CAPN8: variants seen among roughly 807,000 people sequenced by gnomAD.
CAPN8 encodes the protein calpain 8, also known as calpain-8.
A neutral mutation model predicts 80.9 loss-of-function variants in CAPN8; 87 were observed. The ratio of observed to expected loss-of-function variants is 1.07; its 90% CI spans 0.90 to 1.28. The LOEUF (loss-of-function observed/expected upper bound fraction) is 1.28, where lower values mean the gene tolerates loss of function less well. Among genes scored for constraint, CAPN8 ranks in the 50% most tolerant of loss-of-function variants. CAPN8 has a pLI of 0.00. For synonymous variants in CAPN8, 299 were observed against 273.8 expected, an observed-to-expected ratio of 1.09 and a Z score of -0.91; for missense variants, 757 against 702.0, an observed-to-expected ratio of 1.08 and a Z score of -0.89.
chr1:223,544,028 G>T, intron 19 of CAPN8, 39 bp downstream of exon 19: 1 of 715,802 alleles, frequency 1.4e-6, no homozygotes, highest in South Asian at 1.5e-5. Flanking sequence ...CTTGCACCTT[G>T]GGATTAATAG....
At chr1:223,552,590 GCCC>G (rs1656822132) in intron 14 of CAPN8, among the ~76,000 whole-genome samples, 1 of 149,556 alleles carries the variant, frequency 6.7e-6, no homozygotes, top group Non-Finnish European at 1.5e-5. Context: ...AAGACTTGAG[GCCC>G]CTTTAAAAAG....
At chr1:223,547,394 T>G (rs1362650876) in intron 16 of CAPN8, among the ~76,000 whole-genome samples, 2 of 152,212 alleles carry the variant, frequency 1.3e-5, no homozygotes, top group Non-Finnish European at 2.9e-5. Context: ...TTATATGAAA[T>G]GTCCACAATA....
intron 16 of CAPN8, chr1:223,545,506 G>GC: frequency 1.4e-6 from 1 of 740,642 alleles, no homozygotes; most frequent in Non-Finnish European, 2.1e-6. Flanking sequence ...CTGAGGCCAG[G>GC]CACAGAGCTA....
intron 2 of CAPN8, 36 bp downstream of exon 2, chr1:223,654,294 C>T (rs1344672960): frequency 1.9e-6 from 3 of 1,541,072 alleles, no homozygotes; most frequent in Admixed American, 2.0e-5. Context: ...CACCCGCCCT[C>T]TCCCAAAACA....
rs1033514297 is a variant in CAPN8, at chr1:223,549,630, A to C, written c.1700-248T>G. 4.4e-5 allele frequency: 28 copies of C among 642,060 alleles called. No individual in the cohort carries two copies. The African/African-American group carries it at 5.0e-4, about 12-fold the overall frequency. The allele number at this position is 642,060 out of a possible 1,614,324, so 39.8% of individuals were successfully genotyped here. ...CATCTGAACCTTGGCTTGGCTCCCC[A>C]CAAGCCACAGACTTCAGCAAATTAA... On this transcript the variant is annotated intron_variant, in intron 15 of 20. Transcript: ENST00000366872.
chr1:223,548,204 T>A (rs74372558), intron 16 of CAPN8, among the ~76,000 whole-genome samples: 1 of 151,692 alleles, frequency 6.6e-6, no homozygotes, highest in Non-Finnish European at 1.5e-5. Context: ...CCCAAGGAAC[T>A]GAGAAAAACC....
chr1:223,541,737 G>A lies in CAPN8; in HGVS notation c.*99C>T. 1.3e-6 allele frequency: 2 copies of A among 1,533,986 alleles called. No individual in the cohort carries two copies. Among genetic ancestry groups the A allele is most frequent in the South Asian group, 2.4e-5 (2 of 83,630 alleles). ...GGCAAGAAAGGTATGAACAACCAGT[G>A]AATGCCACTGGAGCATAAATGTTCA... On this transcript the variant is annotated 3_prime_UTR_variant, in exon 21 of 21. Transcript: ENST00000366872.
Position 223,619,446 on chromosome 1 carries a change from G to A in CAPN8, c.982C>T (p.Leu328Phe). The A allele has an allele frequency of 1.9e-6, 3 of 1,551,604 alleles. No homozygotes were observed. ...GAGAACTGCCTCACGAAATCTGAAA[G>A]TGACATCCTGGGGCAGAGGCACCAG... ...KVEDGEFWMS[L>F]SDFVRQFSRL... Residue 328 changes from leucine (L) to phenylalanine (F), a missense_variant, in exon 9 of 21, where the codon CTT becomes TTT. Physicochemically the swap from Leu to Phe is conservative, Grantham distance 22. Coordinates refer to ENST00000366872, the MANE Select transcript of CAPN8 (RefSeq NM_001143962.2).
intron 10 of CAPN8, among the ~76,000 whole-genome samples, chr1:223,613,289 A>G (rs1657082106): frequency 6.6e-6 from 1 of 152,260 alleles, no homozygotes; most frequent in African/African-American, 2.4e-5. Flanking sequence ...AGAAGAGTCC[A>G]GGGTCACAGT....
intron 13 of CAPN8, among the ~76,000 whole-genome samples, chr1:223,554,921 T>C (rs1021055780): frequency 1.3e-5 from 2 of 152,222 alleles, no homozygotes; most frequent in Non-Finnish European, 2.9e-5. Context: ...CTGCCCAAAA[T>C]AGGACAATGC....
chr1:223,642,668 C>A lies in CAPN8; in HGVS notation c.307+11662G>T, dbSNP rs189888273. 29 of 388,922 alleles carry A rather than the reference C, an allele frequency of 7.5e-5. No individual in the cohort carries two copies. The Admixed American group carries it at 9.1e-4, about 12-fold the overall frequency. 24.1% of individuals were successfully genotyped at this position (388,922 alleles called of 1,614,324 possible). On this transcript the variant is annotated intron_variant, in intron 2 of 20. Transcript: ENST00000366872. ...TGACGGGTCATCTTTGAATCAGAAG[C>A]CATTTTTGCCTTACCTTCTAAGTTT...
chr1:223,553,041 A>G (rs1224941527), intron 14 of CAPN8, among the ~76,000 whole-genome samples: 1 of 152,014 alleles, frequency 6.6e-6, no homozygotes, highest in African/African-American at 2.4e-5. Flanking sequence ...CTTTTCTTCT[A>G]TTTTATCCTT....
chr1:223,545,084 G>T, intron 17 of CAPN8, 147 bp downstream of exon 17: 2 of 1,429,212 alleles, frequency 1.4e-6, no homozygotes, highest in Non-Finnish European at 1.9e-6. Flanking sequence ...GTCTCTCATT[G>T]CCTTCTTGTT....
At chr1:223,629,389 T>A (rs1657708654) in intron 2 of CAPN8, among the ~76,000 whole-genome samples, 2 of 152,200 alleles carry the variant, frequency 1.3e-5, no homozygotes, top group Admixed American at 6.5e-5. Flanking sequence ...TAAATCATCA[T>A]AATTTGAGGC....
At chr1:223,656,582 G>C (rs10915858) in intron 1 of CAPN8, among the ~76,000 whole-genome samples, 32,794 of 151,568 alleles carry the variant, frequency 0.22, 3,611 homozygotes, top group South Asian at 0.27. Context: ...CCGCCTCAGA[G>C]TCCGCACTGG....
chr1:223,638,123 A>G (rs1657954689), intron 2 of CAPN8, among the ~76,000 whole-genome samples: 1 of 152,116 alleles, frequency 6.6e-6, no homozygotes, highest in African/African-American at 2.4e-5. Context: ...ACATGTACAG[A>G]CTTTTTTCTT....
intron 2 of CAPN8, among the ~76,000 whole-genome samples, chr1:223,643,425 T>C (rs906197192): frequency 5.9e-5 from 9 of 152,230 alleles, no homozygotes; most frequent in African/African-American, 2.2e-4. Context: ...TCAAATATAC[T>C]GACATGAGGT....
rs1656973240 is a variant in CAPN8 at position 223,609,210 on chromosome 1, G to A, written c.1478C>T (p.Pro493Leu). 1 of 398,422 alleles carries A rather than the reference G, an allele frequency of 2.5e-6. No individual in the cohort carries two copies. Among genetic ancestry groups the A allele is most frequent in the Non-Finnish European group, 4.4e-6 (1 of 226,048 alleles). 24.7% of individuals were successfully genotyped at this position (398,422 alleles called of 1,614,324 possible). ...EYLVVPSTFE[P>L]FKDGEFCLRV... ...CAAGCAGAACTCGCCGTCTTTGAAG[G>A]GTTCAAATGTGGATGGCACCACCAG... is the stretch of plus-strand genomic sequence containing the variant. The change falls in exon 12 of 21, where the codon CCC becomes CTC. Residue 493 changes from proline (P) to leucine (L), a missense_variant. Coordinates refer to ENST00000366872, the MANE Select transcript of CAPN8 (RefSeq NM_001143962.2).
At chr1:223,545,484 C>A in intron 16 of CAPN8, 185 bp from the exon 17 acceptor site, 1 of 918,476 alleles carries the variant, frequency 1.1e-6, no homozygotes, top group South Asian at 1.8e-5. Context: ...AAACGTGCAC[C>A]AAGGCTCTCC....
Sources: gnomAD v4.1 joint callset for allele counts (sites outside exome capture counted in the v4.1 genomes callset) on GRCh38, gnomAD v4.1.1 for gene constraint, MANE v1.5 for transcripts, NCBI Gene and HGNC (gene_info 2026-07-23, HGNC 2026-07-21) for gene names.